NTM: variants seen among roughly 807,000 people sequenced by gnomAD.
The protein encoded by NTM is neurotrimin, also known as IgLON family member 2.
NTM carries 13 observed loss-of-function variants against 42.1 expected under a neutral mutation model. The ratio of observed to expected loss-of-function variants is 0.31; its 90% CI spans 0.20 to 0.49. NTM has a LOEUF of 0.49. Among genes scored for constraint, NTM ranks in the 20% least tolerant of loss-of-function variants. NTM has a pLI of 0.99. For synonymous variants in NTM, 187 were observed against 179.2 expected, an observed-to-expected ratio of 1.04 and a Z score of -0.35; for missense variants, 373 against 452.8, an observed-to-expected ratio of 0.82 and a Z score of 1.60.
chr11:131,445,739 C>A (rs1005191772), intron 1 of NTM, among the ~76,000 whole-genome samples: 2 of 152,190 alleles, frequency 1.3e-5, no homozygotes, highest in African/African-American at 4.8e-5. Context: ...CAAGTACCAT[C>A]CAACCACCTT....
intron 7 of NTM, among the ~76,000 whole-genome samples, chr11:132,326,022 TG>T (rs898271186): frequency 5.4e-5 from 5 of 93,008 alleles, no homozygotes; most frequent in South Asian, 6.7e-4. Flanking sequence ...TGTTGTGGGG[TG>T]GGGGGACGGG....
At chr11:132,173,071 G>T (rs563218112) in intron 3 of NTM, among the ~76,000 whole-genome samples, 2 of 152,166 alleles carry the variant, frequency 1.3e-5, no homozygotes, top group Admixed American at 6.5e-5. Flanking sequence ...CTCACAATAT[G>T]CAGTGAGGTC....
chr11:131,502,772 C>G (rs968645263), intron 1 of NTM: 1 of 152,256 alleles, frequency 6.6e-6, no homozygotes, highest in Non-Finnish European at 1.5e-5. Context: ...TAGATGTATC[C>G]TTGGCACCCA....
chr11:131,374,836 AAC>A (rs1446149810), intron 1 of NTM, among the ~76,000 whole-genome samples: 1 of 152,196 alleles, frequency 6.6e-6, no homozygotes, highest in Non-Finnish European at 1.5e-5. Flanking sequence ...GTGTACAGAA[AAC>A]ACATGCTGGA....
rs535232242 is a variant in NTM at position 132,314,840 on chromosome 11, A to G, written c.934+137A>G. 3.4e-4 allele frequency: 469 copies of G among 1,397,366 alleles called. 3 individuals carry two copies. The African/African-American group carries it at 5.9e-3, about 18-fold the overall frequency. The allele number at this position is 1,397,366 out of a possible 1,614,324, so 86.6% of individuals were successfully genotyped here. On this transcript the variant is annotated intron_variant, in intron 7 of 8. Coordinates refer to ENST00000683400, the MANE Select transcript of NTM (RefSeq NM_001352005.2). ...CATGGAGAGGGAGGAAAAAAAAGAGAGAGACACAGAAAGAAATGGAGAGAG... is the reference window on the plus strand; with the variant it reads ...CATGGAGAGGGAGGAAAAAAAAGAGGGAGACACAGAAAGAAATGGAGAGAG...
In NTM at chr11:132,056,724, ACT is replaced by A. The variant is rs1266810512; in HGVS notation, c.168-89555_168-89554del. On this transcript the variant is annotated intron_variant, in intron 2 of 8. Coordinates refer to ENST00000683400, the MANE Select transcript of NTM (RefSeq NM_001352005.2). Reference sequence around the variant, plus strand: ...GCCTGACAGTTTGTTACATTGTCAAACTCTGTCATTTCTTCATTTAGCCTGCC... The same window carrying A: ...GCCTGACAGTTTGTTACATTGTCAAACTGTCATTTCTTCATTTAGCCTGCC... 3.3e-5 allele frequency among the ~76,000 whole-genome samples: 5 copies of A among 152,282 alleles called. 1 individual carries two copies. The highest frequency in any genetic ancestry group is 2.0e-4 in the Admixed American group (3 of 15,298).
intron 2 of NTM, among the ~76,000 whole-genome samples, chr11:132,076,402 G>A (rs2058370084): frequency 6.6e-6 from 1 of 152,178 alleles, no homozygotes; most frequent in Non-Finnish European, 1.5e-5. Context: ...CAAGGTTGGA[G>A]AAAGAAAGCA....
intron 1 of NTM, among the ~76,000 whole-genome samples, chr11:131,723,973 T>C (rs1460004593): frequency 2.0e-5 from 3 of 152,268 alleles, no homozygotes; most frequent in Non-Finnish European, 4.4e-5. Context: ...AAAGAATTCA[T>C]GGTCATGTGA....
intron 1 of NTM, among the ~76,000 whole-genome samples, chr11:131,785,663 G>C (rs2089028380): frequency 6.6e-6 from 1 of 152,190 alleles, no homozygotes; most frequent in Non-Finnish European, 1.5e-5. Context: ...CTTGCTCAAA[G>C]ACACTGTTCT....
chr11:132,233,374 C>T (rs1464738762), intron 4 of NTM, among the ~76,000 whole-genome samples: 17 of 152,202 alleles, frequency 1.1e-4, no homozygotes, highest in Admixed American at 2.6e-4. Context: ...GAGCCAAGAC[C>T]GCGCCACTGC....
chr11:132,290,258 ATTTT>A (rs112193288), intron 4 of NTM, among the ~76,000 whole-genome samples: 2 of 146,644 alleles, frequency 1.4e-5, no homozygotes, highest in African/African-American at 2.5e-5. Flanking sequence ...AGATAGTCTG[ATTTT>A]TTTTTTTTTA....
chr11:132,003,959 G>A lies in NTM; in HGVS notation c.167+92311G>A, dbSNP rs140381500. Among the ~76,000 whole-genome samples, 15 of 152,240 alleles carry A rather than the reference G, an allele frequency of 9.9e-5. No individual in the cohort carries two copies. Among genetic ancestry groups the A allele is most frequent in the East Asian group, 5.8e-4 (3 of 5,172 alleles). ...CCATCCTCATTGTTCAGGTTTCATC[G>A]TCTCCTTAATCAACCATTAGCATAA... On this transcript the variant is annotated intron_variant, in intron 2 of 8. Transcript: ENST00000683400. The surrounding 1 kb of genome is among the most constrained non-coding windows in gnomAD (Gnocchi z 6.0).
At chr11:131,670,821 G>A (rs1195729768) in intron 1 of NTM, among the ~76,000 whole-genome samples, 1 of 152,160 alleles carries the variant, frequency 6.6e-6, no homozygotes, top group Non-Finnish European at 1.5e-5. Context: ...CTCTGATGCT[G>A]CCCGGCGAGG....
intron 2 of NTM, among the ~76,000 whole-genome samples, chr11:132,027,475 AT>A (rs1339027846): frequency 6.6e-6 from 1 of 152,214 alleles, no homozygotes; most frequent in Non-Finnish European, 1.5e-5. Flanking sequence ...GAAAGTCTTA[AT>A]TTCTCTTTCA....
At chr11:132,013,993 T>G (rs1284856086) in intron 2 of NTM, among the ~76,000 whole-genome samples, 1 of 151,810 alleles carries the variant, frequency 6.6e-6, no homozygotes, top group African/African-American at 2.4e-5. Context: ...ATATCGTATG[T>G]CCTTATTTTT....
At chr11:132,173,820 C>T (rs896179046) in intron 3 of NTM, among the ~76,000 whole-genome samples, 4 of 152,192 alleles carry the variant, frequency 2.6e-5, no homozygotes, top group African/African-American at 9.7e-5. Context: ...CTCTCTTGTT[C>T]TTCTGTAACA....
intron 2 of NTM, among the ~76,000 whole-genome samples, chr11:132,072,923 G>A (rs1793631): frequency 0.28 from 41,838 of 152,050 alleles, 5,928 homozygotes; most frequent in Non-Finnish European, 0.3. Flanking sequence ...GAGAGAATAA[G>A]CTTTTGACAA....
chr11:131,796,852 C>T (rs373760764), intron 1 of NTM, among the ~76,000 whole-genome samples: 1 of 152,170 alleles, frequency 6.6e-6, no homozygotes, highest in East Asian at 1.9e-4. Context: ...GTCTTCCTTC[C>T]TCCTAGAGAG....
intron 1 of NTM, among the ~76,000 whole-genome samples, chr11:131,524,308 C>T (rs2136599308): frequency 6.6e-6 from 1 of 152,338 alleles, no homozygotes. Flanking sequence ...TCAGTGGCAG[C>T]ATCAAGCTCC....
Sources: allele counts gnomAD v4.1 joint callset (sites outside exome capture counted in the v4.1 genomes callset), GRCh38; gene constraint gnomAD v4.1.1; non-coding constraint Gnocchi (gnomAD v3.1); transcripts MANE v1.5; gene names NCBI Gene and HGNC (gene_info 2026-07-23, HGNC 2026-07-21).